Variants in EBI3 observed in about 807,000 individuals in gnomAD.
EBI3 encodes the protein Epstein-Barr virus induced 3.
EBI3 carries 19 observed loss-of-function variants against 21.3 expected under a neutral mutation model. That is an observed-to-expected ratio of 0.89 (90% CI 0.62 to 1.31). EBI3 has a LOEUF of 1.31. EBI3 is among the 50% of genes most tolerant of loss of function. The pLI is 0.00. For synonymous variants in EBI3, 154 were observed against 131.2 expected, an observed-to-expected ratio of 1.17 and a Z score of -1.19; for missense variants, 331 against 314.0, an observed-to-expected ratio of 1.05 and a Z score of -0.41.
At chr19:4,232,764 GAAGGAATGAATTAATGAATGAAT>G (rs1970798444) in intron 2 of EBI3, among the ~76,000 whole-genome samples, 1 of 43,530 alleles carries the variant, frequency 2.3e-5, no homozygotes, top group African/African-American at 1.0e-4. Flanking sequence ...ATGAATGAAT[GAAGGAATGAATTAATGAATGAAT>G]GAAGGAATGA....
chr19:4,233,534 C>A (rs76502212), intron 3 of EBI3, among the ~76,000 whole-genome samples: 2 of 152,072 alleles, frequency 1.3e-5, no homozygotes, highest in Non-Finnish European at 2.9e-5. Flanking sequence ...CTTCCCACAG[C>A]AGCCACCAGA....
At chr19:4,232,222 C>CAAA (rs71166979) in intron 2 of EBI3, among the ~76,000 whole-genome samples, 19 of 57,800 alleles carry the variant, frequency 3.3e-4, no homozygotes, top group East Asian at 5.6e-4. Flanking sequence ...GACCCCGTCT[C>CAAA]AAAAAAAAAA....
chr19:4,234,749 C>CAG lies in EBI3; in HGVS notation c.462_463insAG (p.Trp155SerfsTer10). The CAG allele has an allele frequency of 6.2e-7, 1 of 1,614,136 alleles. No homozygotes were observed. Among genetic ancestry groups the CAG allele is most frequent in the South Asian group, 1.1e-5 (1 of 91,090 alleles). On this transcript the variant is annotated frameshift_variant, in exon 4 of 5. Transcript: ENST00000221847. LOFTEE classifies it high-confidence loss of function. ...AGGTGCAGTGGGAGCCTCCCGGGTC[C>CAG]TGGCCCTTCCCAGAGATCTTCTCAC...
chr19:4,232,787 T>C (rs143568740), intron 2 of EBI3, among the ~76,000 whole-genome samples: 3 of 134,444 alleles, frequency 2.2e-5, no homozygotes, highest in South Asian at 2.4e-4. Flanking sequence ...AATGAATGAA[T>C]GAAGGAATGA....
rs542576659 is a variant in EBI3, at chr19:4,231,315, C to T, written c.192C>T (p.Ala64=). 11 of 1,610,336 alleles carry T rather than the reference C, an allele frequency of 6.8e-6. No homozygotes were observed. In the South Asian group the frequency reaches 8.8e-5, roughly 13 times the overall value. Residue 64 remains alanine (A), a synonymous_variant, in exon 2 of 5, where the codon GCC becomes GCT. Transcript: ENST00000221847. ...CCACCAGCCCCGTGTCCTTCATTGC[C>T]ACGTACAGGTCGGAGAGCCTGGAAG... ...PNSTSPVSFI[A]TYRLGMAARG...
chr19:4,232,754 AT>A (rs1970797932), intron 2 of EBI3, among the ~76,000 whole-genome samples: 1 of 43,840 alleles, frequency 2.3e-5, no homozygotes, highest in East Asian at 1.4e-3. Flanking sequence ...GGATGAATTA[AT>A]GAATGAATGA....
chr19:4,232,925 A>G, intron 2 of EBI3: 1 of 514,800 alleles, frequency 1.9e-6, no homozygotes, highest in East Asian at 3.4e-5. Flanking sequence ...CCCGACCTGA[A>G]CCATCAGGGG....
At chr19:4,234,616 T>A (rs1161119130) in intron 3 of EBI3, 51 bp from the exon 4 acceptor site, 2 of 1,572,676 alleles carry the variant, frequency 1.3e-6, no homozygotes, top group Admixed American at 3.8e-5. Context: ...AGTGAATGAA[T>A]GAATGACTGG....
Position 4,231,103 on chromosome 19 carries a change from G to C in EBI3, c.68-88G>C, listed in dbSNP as rs1001296690. 8.3e-6 allele frequency: 12 copies of C among 1,451,418 alleles called. No individual in the cohort carries two copies. The African/African-American group carries it at 1.7e-4, about 21-fold the overall frequency. 89.9% of individuals were successfully genotyped at this position (1,451,418 alleles called of 1,614,324 possible). ...GGCACCTACCATGTACCTGGTGCTG[G>C]CTGGCAACGTGGCAGGAGCCCAGCG... On this transcript the variant is annotated intron_variant, in intron 1 of 4. Coordinates refer to ENST00000221847, the MANE Select transcript of EBI3 (RefSeq NM_005755.3).
chr19:4,234,729 C>G lies in EBI3; in HGVS notation c.442C>G (p.Gln148Glu). ...SPLAERQLQV[Q>E]WEPPGSWPFP... ...CCTCGCTGAGCGCCAGCTACAGGTG[C>G]AGTGGGAGCCTCCCGGGTCCTGGCC... is the stretch of plus-strand genomic sequence containing the variant. Residue 148 changes from glutamine to glutamate, a missense_variant, in exon 4 of 5, where the codon CAG (glutamine) becomes GAG (glutamate). Coordinates refer to ENST00000221847, the MANE Select transcript of EBI3 (RefSeq NM_005755.3). 6.2e-7 allele frequency: 1 copy of G among 1,614,152 alleles called. No homozygotes were observed.
At chr19:4,234,909 C>G (rs554260908) in intron 4 of EBI3, 85 bp downstream of exon 4, 9 of 1,550,458 alleles carry the variant, frequency 5.8e-6, no homozygotes, top group African/African-American at 1.4e-5. Context: ...GTGCTGGGCT[C>G]TTGCACATAG....
chr19:4,233,874 C>T (rs1333843695), intron 3 of EBI3, among the ~76,000 whole-genome samples: 1 of 152,170 alleles, frequency 6.6e-6, no homozygotes, highest in Non-Finnish European at 1.5e-5. Flanking sequence ...CATACATCAC[C>T]TCCTCAGTAA....
chr19:4,232,117 C>T (rs1034164237), intron 2 of EBI3, among the ~76,000 whole-genome samples: 6 of 148,384 alleles, frequency 4.0e-5, no homozygotes, highest in East Asian at 2.0e-4. Flanking sequence ...CCCAGCTACT[C>T]GGGAGGCTGA....
intron 2 of EBI3, among the ~76,000 whole-genome samples, chr19:4,232,610 A>G (rs1226782861): frequency 6.6e-6 from 1 of 150,742 alleles, no homozygotes. Flanking sequence ...TGTAGTCCCA[A>G]CCGCTCTGGA....
At chr19:4,230,911 G>C (rs77013010) in intron 1 of EBI3, among the ~76,000 whole-genome samples, 5 of 151,850 alleles carry the variant, frequency 3.3e-5, no homozygotes, top group African/African-American at 1.2e-4. Context: ...GAGAGAACAC[G>C]GTAAAATCTC....
In EBI3 at chr19:4,233,327, G is replaced by T. The variant is rs1970808619; in HGVS notation, c.379+20G>T. 1.3e-6 allele frequency: 2 copies of T among 1,548,478 alleles called. No individual in the cohort carries two copies. The highest frequency in any genetic ancestry group is 1.2e-5 in the South Asian group (1 of 84,344). ...ACATCAGTGAGTGGGGGCGGCAGTG[G>T]GGGCGGGGGCGGGGCTGCCGTCTCC... On this transcript the variant is annotated intron_variant, in intron 3 of 4. Transcript: ENST00000221847.
chr19:4,230,573 CAAAAT>C (rs1970772920), intron 1 of EBI3, among the ~76,000 whole-genome samples: 1 of 150,826 alleles, frequency 6.6e-6, no homozygotes, highest in African/African-American at 2.4e-5. Context: ...TACCTTGTCT[CAAAAT>C]AATAATAATA....
chr19:4,234,829 G>T lies in EBI3; in HGVS notation c.537+5G>T. 1 of 1,613,422 alleles carries T rather than the reference G, an allele frequency of 6.2e-7. No individual in the cohort carries two copies. The highest frequency in any genetic ancestry group is 8.5e-7 in the Non-Finnish European group (1 of 1,179,548). ...GGAGCTGCGCGCTTCCACCGGGTGAGGAGGATGAGGGGGAGGCTGGAAAGG... is the reference window on the plus strand; with the variant it reads ...GGAGCTGCGCGCTTCCACCGGGTGATGAGGATGAGGGGGAGGCTGGAAAGG... On this transcript the variant is annotated splice_donor_5th_base_variant and intron_variant, in intron 4 of 4. Coordinates refer to ENST00000221847, the MANE Select transcript of EBI3 (RefSeq NM_005755.3).
At chr19:4,236,462 A>G (rs1568356677) in intron 4 of EBI3, among the ~76,000 whole-genome samples, 3 of 137,878 alleles carry the variant, frequency 2.2e-5, no homozygotes, top group Non-Finnish European at 4.6e-5. Context: ...CAGAGGTTGC[A>G]GTAAGCCAAG....
Sources: gnomAD v4.1 joint callset for allele counts (sites outside exome capture counted in the v4.1 genomes callset) on GRCh38, gnomAD v4.1.1 for gene constraint, MANE v1.5 for transcripts, NCBI Gene and HGNC (gene_info 2026-07-23, HGNC 2026-07-21) for gene names.